TMTC4: variants seen among roughly 807,000 people sequenced by gnomAD.
TMTC4 encodes the protein protein O-mannosyl-transferase TMTC4.
In TMTC4, 65 loss-of-function variants were observed where a neutral mutation model predicts 86.0. That is an observed-to-expected ratio of 0.76 (90% confidence interval 0.62 to 0.93). The LOEUF (loss-of-function observed/expected upper bound fraction) is 0.93, where lower values mean the gene tolerates loss of function less well. TMTC4 is among the 40% of genes least tolerant of loss of function. The pLI, the probability that TMTC4 is intolerant of heterozygous loss-of-function variation, is 0.00. For synonymous variants in TMTC4, 379 were observed against 382.5 expected (o/e 0.99, Z 0.11); for missense variants, 866 against 948.1 (o/e 0.91, Z 1.14).
chr13:100,614,653 G>C (rs1471352267), intron 15 of TMTC4, among the ~76,000 whole-genome samples: 1 of 151,980 alleles, frequency 6.6e-6, no homozygotes, highest in Non-Finnish European at 1.5e-5. Flanking sequence ...ATTTTACAGA[G>C]GAAGCAACTA....
rs775373393 is a variant in TMTC4 at position 100,637,939 on chromosome 13, C to T, written c.825G>A (p.Lys275=). The T allele has an allele frequency of 1.4e-5, 23 of 1,612,568 alleles. No homozygotes were observed. In the Admixed American group the frequency reaches 3.8e-4, roughly 27 times the overall value. ...EIVQKVLHKD[K]SLENLGMLRN... Reference sequence around the variant, plus strand: ...AAAAGTACAGACTCACCTCTAATGACTTGTCCTTATGTAGTACCTTCTGGA... The same window carrying T: ...AAAAGTACAGACTCACCTCTAATGATTTGTCCTTATGTAGTACCTTCTGGA... The change falls in exon 8 of 19, where the codon AAG becomes AAA. Residue 275 remains lysine, a synonymous_variant. Coordinates refer to ENST00000342624, the MANE Select transcript of TMTC4 (RefSeq NM_032813.5).
chr13:100,633,315 A>G (rs1282070736), intron 12 of TMTC4, among the ~76,000 whole-genome samples: 2 of 9,018 alleles, frequency 2.2e-4, no homozygotes, highest in African/African-American at 3.4e-4. Flanking sequence ...TCTCAGGGAA[A>G]AAAAAAAAAA....
At chr13:100,633,084 T>C (rs780829339) in intron 12 of TMTC4, among the ~76,000 whole-genome samples, 17 of 151,864 alleles carry the variant, frequency 1.1e-4, no homozygotes, top group Non-Finnish European at 2.2e-4. Flanking sequence ...AGGCTGAGGA[T>C]GGGCGAATCA....
chr13:100,674,101 T>G, intron 1 of TMTC4: 1 of 984,500 alleles, frequency 1.0e-6, no homozygotes, highest in Non-Finnish European at 1.2e-6. Flanking sequence ...AGGTGGGCAG[T>G]GGCTGCGCCA....
rs375070691 is a variant in TMTC4 at position 100,672,000 on chromosome 13, GA to G, written c.-207-1432del. Among the ~76,000 whole-genome samples the G allele has an allele frequency of 5.0e-3, 760 of 152,172 alleles. 5 individuals are homozygous for G. The highest frequency in any genetic ancestry group is 7.6e-3 in the Non-Finnish European group (519 of 68,016). ...CTGGACTTGCCGGCTGCACGACCTT[GA>G]ACTGCTTAGTCTTTCTAAGAATCAA... is the stretch of plus-strand genomic sequence containing the variant. On this transcript the variant is annotated intron_variant, in intron 1 of 18. Coordinates refer to ENST00000342624, the MANE Select transcript of TMTC4 (RefSeq NM_032813.5).
At chr13:100,615,015 C>T (rs1878250603) in intron 15 of TMTC4, 1 of 927,024 alleles carries the variant, frequency 1.1e-6, no homozygotes, top group Non-Finnish European at 1.3e-6. Flanking sequence ...CTTTGTAACT[C>T]CTTGGAAAAG....
At chr13:100,615,327 C>T (rs1266002095) in intron 15 of TMTC4, among the ~76,000 whole-genome samples, 3 of 151,856 alleles carry the variant, frequency 2.0e-5, no homozygotes, top group Admixed American at 1.3e-4. Flanking sequence ...TGAGTAGAGA[C>T]GGGGTTTCAC....
chr13:100,656,899 TTAAAA>T (rs1035473703), intron 5 of TMTC4, among the ~76,000 whole-genome samples: 5 of 152,158 alleles, frequency 3.3e-5, no homozygotes, highest in African/African-American at 1.2e-4. Context: ...CTGCCACCTA[TTAAAA>T]TAAATACATG....
chr13:100,648,024 G>A (rs151254499), intron 6 of TMTC4, among the ~76,000 whole-genome samples: 5 of 152,078 alleles, frequency 3.3e-5, no homozygotes, highest in African/African-American at 7.2e-5. Flanking sequence ...TTAGACTTCC[G>A]ATTTTGCTTC....
In TMTC4 at chr13:100,612,514, G is replaced by A. The variant is rs199934505; in HGVS notation, c.1952-4C>T. Reference sequence around the variant, plus strand: ...GCTTCAGCTTGGGCTAAATTACCTGGGAGTGAAAAATGGAAAAATAAAAGA... The same window carrying A: ...GCTTCAGCTTGGGCTAAATTACCTGAGAGTGAAAAATGGAAAAATAAAAGA... On this transcript the variant is annotated splice_polypyrimidine_tract_variant and splice_region_variant and intron_variant, in intron 16 of 18. Coordinates refer to ENST00000342624, the MANE Select transcript of TMTC4 (RefSeq NM_032813.5). The A allele has an allele frequency of 2.5e-6, 4 of 1,604,042 alleles. No individual in the cohort carries two copies. The Admixed American group carries it at 6.9e-5, about 27-fold the overall frequency.
chr13:100,627,199 T>C lies in TMTC4; in HGVS notation c.1507-1049A>G, dbSNP rs148018297. ...GTGGCTGGAGCACAGAGAGCAGGGA[T>C]GCAGGTTGGAGAGCCCGGGAGGAGC... On this transcript the variant is annotated intron_variant, in intron 12 of 18. Coordinates refer to ENST00000342624, the MANE Select transcript of TMTC4 (RefSeq NM_032813.5). 2.0e-5 allele frequency among the ~76,000 whole-genome samples: 3 copies of C among 152,200 alleles called. No individual in the cohort carries two copies. The South Asian group carries it at 6.2e-4, about 32-fold the overall frequency.
At chr13:100,614,994 T>C in intron 15 of TMTC4, 1 of 966,976 alleles carries the variant, frequency 1.0e-6, no homozygotes, top group Non-Finnish European at 1.2e-6. Context: ...AACAGGAGCA[T>C]ATCAGACATA....
intron 6 of TMTC4, 98 bp downstream of exon 6, chr13:100,656,283 C>T (rs1177321567): frequency 6.9e-6 from 7 of 1,015,000 alleles, no homozygotes; most frequent in Admixed American, 2.5e-5. Flanking sequence ...GAGTGACACA[C>T]TCACATAGAT....
chr13:100,675,073 G>A (rs979537886), upstream of TMTC4: 218 of 985,410 alleles, frequency 2.2e-4, no homozygotes, highest in Non-Finnish European at 2.6e-4. Context: ...CGGACCCGGC[G>A]GGAGAGGAGG....
Position 100,612,386 on chromosome 13 carries a change from C to T in TMTC4, c.2064+12G>A, listed in dbSNP as rs369371445. The stretch of plus-strand genomic sequence containing the variant: ...ACTAACTGCAAGAACTCACAGCCTG[C>T]GGTTTACGCACCTTGTATTTCTGGG... On this transcript the variant is annotated intron_variant, in intron 17 of 18. Coordinates refer to ENST00000342624, the MANE Select transcript of TMTC4 (RefSeq NM_032813.5). 17 of 1,582,118 alleles carry T rather than the reference C, an allele frequency of 1.1e-5. No individual in the cohort carries two copies. Among genetic ancestry groups the T allele is most frequent in the Admixed American group, 3.6e-5 (2 of 55,216 alleles).
At chr13:100,646,082 A>C (rs1297466827) in intron 6 of TMTC4, among the ~76,000 whole-genome samples, 1 of 152,046 alleles carries the variant, frequency 6.6e-6, no homozygotes, top group Non-Finnish European at 1.5e-5. Context: ...ATCTTATTAG[A>C]CTCAGGCCCC....
intron 5 of TMTC4, among the ~76,000 whole-genome samples, chr13:100,662,136 T>C (rs923909516): frequency 2.0e-5 from 3 of 151,366 alleles, no homozygotes; most frequent in Non-Finnish European, 4.4e-5. Context: ...GCTGATGTAT[T>C]TGGTGTTGAA....
chr13:100,649,762 AAAATAAATAAATAAAT>A (rs3059451), intron 6 of TMTC4, among the ~76,000 whole-genome samples: 2 of 148,684 alleles, frequency 1.3e-5, no homozygotes, highest in East Asian at 1.9e-4. Flanking sequence ...ATTCTTCTTC[AAAATAAATAAATAAAT>A]AAATAAATAA....
intron 5 of TMTC4, among the ~76,000 whole-genome samples, chr13:100,657,232 G>A (rs1225660183): frequency 6.6e-6 from 1 of 152,218 alleles, no homozygotes; most frequent in Non-Finnish European, 1.5e-5. Context: ...AAAGGTGTGA[G>A]AGAAGTGTGA....
Sources: gnomAD v4.1 joint callset for allele counts (sites outside exome capture counted in the v4.1 genomes callset) on GRCh38, gnomAD v4.1.1 for gene constraint, MANE v1.5 for transcripts, NCBI Gene and HGNC (gene_info 2026-07-23, HGNC 2026-07-21) for gene names.